The following PCDH15 variants were observed in gnomAD, a reference collection of about 807,000 sequenced individuals.
The protein encoded by PCDH15 is protocadherin-15.
PCDH15 carries 129 observed loss-of-function variants against 178.5 expected under a neutral mutation model. The ratio of observed to expected loss-of-function variants is 0.72; its 90% CI spans 0.63 to 0.84. PCDH15 has a LOEUF of 0.84. PCDH15 is among the 40% of genes least tolerant of loss of function. PCDH15 has a pLI of 0.00. For synonymous variants in PCDH15, 800 were observed against 732.0 expected (o/e 1.09, Z -1.50); for missense variants, 2,230 against 2,099.9 (o/e 1.06, Z -1.21).
chr10:55,123,355 C>A (rs1837819880), intron 2 of PCDH15, among the ~76,000 whole-genome samples: 1 of 151,974 alleles, frequency 6.6e-6, no homozygotes, highest in Non-Finnish European at 1.5e-5. Context: ...ATTTAAGAAT[C>A]AGCCTTCTCT....
intron 16 of PCDH15, among the ~76,000 whole-genome samples, chr10:54,080,431 C>T (rs146730240): frequency 0.018 from 2,672 of 152,150 alleles, 81 homozygotes; most frequent in African/African-American, 0.062. Flanking sequence ...ACATTTTAAT[C>T]GAGCCTAACA....
At chr10:55,029,941 T>C in intron 2 of PCDH15, among the ~76,000 whole-genome samples, 1 of 151,912 alleles carries the variant, frequency 6.6e-6, no homozygotes, top group East Asian at 1.9e-4. Context: ...AACAAGAGAG[T>C]GATGACGTGG....
At chr10:53,808,888 C>A (rs757514912) in intron 37 of PCDH15, 2 of 1,595,870 alleles carry the variant, frequency 1.3e-6, no homozygotes, top group Non-Finnish European at 1.7e-6. Flanking sequence ...TTCTGCACTG[C>A]CCTCTTCAGG....
chr10:54,890,845 A>C (rs2131815752), intron 3 of PCDH15, among the ~76,000 whole-genome samples: 1 of 152,228 alleles, frequency 6.6e-6, no homozygotes, highest in South Asian at 2.1e-4. Flanking sequence ...ATTGCAACTC[A>C]TCTAGACCTA....
At chr10:54,663,180 A>T (rs530028533) in intron 2 of PCDH15, among the ~76,000 whole-genome samples, 1 of 152,042 alleles carries the variant, frequency 6.6e-6, no homozygotes, top group African/African-American at 2.4e-5. Context: ...AAAAAGCCAG[A>T]CTAATTCATC....
chr10:54,570,093 T>G (rs1480843209), intron 2 of PCDH15, among the ~76,000 whole-genome samples: 1 of 151,912 alleles, frequency 6.6e-6, no homozygotes, highest in African/African-American at 2.4e-5. Flanking sequence ...TGCGTTTATC[T>G]CACTGTCTCG....
intron 3 of PCDH15, among the ~76,000 whole-genome samples, chr10:54,454,309 TAAAG>T (rs998630350): frequency 4.7e-5 from 7 of 149,288 alleles, no homozygotes; most frequent in East Asian, 1.9e-4. Context: ...TGATAGATTA[TAAAG>T]AATTTCATTT....
At chr10:54,051,811 G>C (rs1400159234) in intron 18 of PCDH15, among the ~76,000 whole-genome samples, 1 of 152,120 alleles carries the variant, frequency 6.6e-6, no homozygotes. Flanking sequence ...CATAGGCCCA[G>C]AGGACTAGGA....
chr10:55,089,358 T>C (rs1408413163), intron 2 of PCDH15, among the ~76,000 whole-genome samples: 2 of 152,016 alleles, frequency 1.3e-5, no homozygotes, highest in East Asian at 3.9e-4. Flanking sequence ...TGAATAATAC[T>C]AAGTACTCTT....
intron 2 of PCDH15, among the ~76,000 whole-genome samples, chr10:54,541,084 C>G (rs905988020): frequency 1.3e-5 from 2 of 152,106 alleles, no homozygotes; most frequent in Admixed American, 6.5e-5. Context: ...AACCATTCCC[C>G]TTAAGCACTG....
At chr10:54,099,920 T>A (rs2136142587) in intron 15 of PCDH15, among the ~76,000 whole-genome samples, 1 of 152,278 alleles carries the variant, frequency 6.6e-6, no homozygotes, top group Non-Finnish European at 1.5e-5. Flanking sequence ...TTTAGCCACC[T>A]AGGGTCTAGG....
rs1564538186 is a variant in PCDH15, at chr10:53,822,998, C to T, written c.4368-2768G>A. On this transcript the variant is annotated intron_variant, in intron 32 of 37. Transcript: ENST00000644397. ...TCAGCCTCCTGGGTAAGCTGACTGA[C>T]TGACTCCACAGCCTCTGAATCTTTT... 5 of 1,614,076 alleles carry T rather than the reference C, an allele frequency of 3.1e-6. No individual in the cohort carries two copies. The highest frequency in any genetic ancestry group is 4.2e-6 in the Non-Finnish European group (5 of 1,179,962).
At chr10:55,178,829 A>G (rs1458227259) in intron 1 of PCDH15, among the ~76,000 whole-genome samples, 1 of 151,954 alleles carries the variant, frequency 6.6e-6, no homozygotes, top group Admixed American at 6.6e-5. Context: ...TTTGCCAAGG[A>G]CCCCTAATCC....
At chr10:53,974,377 TACTTA>T (rs1157959009) in intron 21 of PCDH15, among the ~76,000 whole-genome samples, 1 of 152,114 alleles carries the variant, frequency 6.6e-6, no homozygotes, top group Non-Finnish European at 1.5e-5. Flanking sequence ...AGATAAAATA[TACTTA>T]ACTTTAAAGA....
chr10:55,627,228 G>A (rs549647674), intron 2 of PCDH15, among the ~76,000 whole-genome samples: 1 of 149,140 alleles, frequency 6.7e-6, no homozygotes, highest in African/African-American at 2.5e-5. Context: ...GAAAACTTTT[G>A]GGGGGAAATG....
chr10:54,218,805 T>C (rs1293895774), intron 9 of PCDH15, among the ~76,000 whole-genome samples: 1 of 152,080 alleles, frequency 6.6e-6, no homozygotes, highest in African/African-American at 2.4e-5. Context: ...TCAAAATTTA[T>C]AGGAAACATG....
intron 23 of PCDH15, among the ~76,000 whole-genome samples, chr10:53,950,839 G>T (rs969913112): frequency 2.0e-5 from 3 of 152,192 alleles, no homozygotes; most frequent in Non-Finnish European, 2.9e-5. Flanking sequence ...CTCTGACATT[G>T]TAACTAATTT....
At chr10:54,383,997 T>TA in intron 3 of PCDH15, among the ~76,000 whole-genome samples, 1 of 6,038 alleles carries the variant, frequency 1.7e-4, no homozygotes, top group Admixed American at 2.9e-3. Context: ...TTTTTTTTTT[T>TA]TTTTTTTTTT....
chr10:54,354,657 T>C (rs965344176), intron 5 of PCDH15, among the ~76,000 whole-genome samples: 1 of 152,186 alleles, frequency 6.6e-6, no homozygotes, highest in African/African-American at 2.4e-5. Context: ...AACTCCATGA[T>C]CCATGTTTCT....
Sources: gnomAD v4.1 joint callset for allele counts (sites outside exome capture counted in the v4.1 genomes callset) on GRCh38, gnomAD v4.1.1 for gene constraint, MANE v1.5 for transcripts, NCBI Gene and HGNC (gene_info 2026-07-23, HGNC 2026-07-21) for gene names.